Variants in HS6ST1 observed in about 807,000 individuals in gnomAD.
HS6ST1 encodes the protein heparan-sulfate 6-O-sulfotransferase 1.
Under a neutral mutation model 25.2 loss-of-function variants are expected in HS6ST1, and 3 were observed. That is an observed-to-expected ratio of 0.12 (90% confidence interval 0.05 to 0.31). The LOEUF is 0.31. Ranked by LOEUF, HS6ST1 falls within the 10% of genes least tolerant of loss-of-function variation. The pLI is 1.00. For missense variants in HS6ST1, 310 were observed against 609.6 expected, an observed-to-expected ratio of 0.51 and a Z score of 5.18; for synonymous variants, 204 against 275.1, an observed-to-expected ratio of 0.74 and a Z score of 2.56.
At chr2:128,317,749 G>C (rs1180379359) in intron 1 of HS6ST1, among the ~76,000 whole-genome samples, 1 of 152,366 alleles carries the variant, frequency 6.6e-6, no homozygotes, top group South Asian at 2.1e-4. Flanking sequence ...GGCAGCGGGC[G>C]GGGACCCTGG....
chr2:128,307,681 T>C (rs1193775307), intron 1 of HS6ST1, among the ~76,000 whole-genome samples: 1 of 152,206 alleles, frequency 6.6e-6, no homozygotes, highest in Non-Finnish European at 1.5e-5. Flanking sequence ...ATGCTATCTC[T>C]CTGCCATGGG....
intron 1 of HS6ST1, among the ~76,000 whole-genome samples, chr2:128,287,357 A>T (rs1693879962): frequency 6.6e-6 from 1 of 152,200 alleles, no homozygotes; most frequent in African/African-American, 2.4e-5. Context: ...GGGCAGGGAC[A>T]GCTGCCCCCC....
chr2:128,312,535 G>A (rs1416578325), intron 1 of HS6ST1, among the ~76,000 whole-genome samples: 3 of 152,130 alleles, frequency 2.0e-5, no homozygotes, highest in African/African-American at 7.2e-5. Context: ...GGATGGTGAT[G>A]GGCACCCAGA....
At chr2:128,316,277 G>A (rs1694361212) in intron 1 of HS6ST1, among the ~76,000 whole-genome samples, 1 of 152,264 alleles carries the variant, frequency 6.6e-6, no homozygotes, top group Non-Finnish European at 1.5e-5. Context: ...CTGCTGAGCA[G>A]GCTTGTTTCA....
chr2:128,300,126 G>A (rs78839892), intron 1 of HS6ST1, among the ~76,000 whole-genome samples: 1 of 152,154 alleles, frequency 6.6e-6, no homozygotes, highest in Non-Finnish European at 1.5e-5. Flanking sequence ...AAAATGGGGG[G>A]CTTCTCCAAA....
chr2:128,268,473 T>C lies in HS6ST1; in HGVS notation c.925A>G (p.Asn309Asp), dbSNP rs749060343. 6.2e-7 allele frequency: 1 copy of C among 1,613,250 alleles called. No homozygotes were observed. The highest frequency in any genetic ancestry group is 8.5e-7 in the Non-Finnish European group (1 of 1,179,804). Residue 309 changes from asparagine (N) to aspartate (D), a missense_variant, in exon 2 of 2, where the codon AAC becomes GAC. Asn to Asp is a conservative substitution (Grantham distance 23, BLOSUM62 1). Transcript: ENST00000259241. Reference sequence around the variant, plus strand: ...ATGAAGGGCCGGATGAACTTGAGGTTGAACGTCCGCTCGAACAGGTACTGC... The same window carrying C: ...ATGAAGGGCCGGATGAACTTGAGGTCGAACGTCCGCTCGAACAGGTACTGC... ...KTQYLFERTF[N>D]LKFIRPFMQY...
At position 128,266,043 on chromosome 2, in the gene HS6ST1, G is replaced by A. The variant is rs1693506435; in HGVS notation, c.*2119C>T. 4 of 151,596 alleles carry A rather than the reference G, an allele frequency of 2.6e-5. No individual in the cohort carries two copies. Among genetic ancestry groups the A allele is most frequent in the Admixed American group, 2.6e-4 (4 of 15,224 alleles). The allele number at this position is 151,596 out of a possible 1,614,324, so 9.4% of individuals were successfully genotyped here. A position where few individuals can be genotyped will look rare whatever the true frequency, so the allele number is the denominator to read the frequency against. On this transcript the variant is annotated 3_prime_UTR_variant, in exon 2 of 2. Coordinates refer to ENST00000259241, the MANE Select transcript of HS6ST1 (RefSeq NM_004807.3). ...GCGAAGAGACTGAGACAAGACCCGT[G>A]CTTCCGTGTGAGTTGGGATGCGGGG...
intron 1 of HS6ST1, among the ~76,000 whole-genome samples, chr2:128,298,504 T>G (rs1246842316): frequency 1.3e-5 from 2 of 152,182 alleles, no homozygotes; most frequent in African/African-American, 4.8e-5. Flanking sequence ...GGAAGGCGAT[T>G]CTGACACAGG....
intron 1 of HS6ST1, among the ~76,000 whole-genome samples, chr2:128,283,397 C>A (rs1237548975): frequency 2.0e-5 from 3 of 152,228 alleles, no homozygotes; most frequent in African/African-American, 7.2e-5. Flanking sequence ...GTGGCAGGGA[C>A]CCCAAATGAC....
intron 1 of HS6ST1, among the ~76,000 whole-genome samples, chr2:128,302,330 C>T (rs780275080): frequency 6.6e-6 from 1 of 152,134 alleles, no homozygotes; most frequent in Admixed American, 6.5e-5. Context: ...CCAAGGCTGG[C>T]GTGCATGTGT....
rs78896142 is a variant in HS6ST1 at position 128,278,615 on chromosome 2, G to C, written c.528-9745C>G. Among the ~76,000 whole-genome samples, 1,184 of 152,294 alleles carry C rather than the reference G, an allele frequency of 7.8e-3. 12 individuals are homozygous for C. Among genetic ancestry groups the C allele is most frequent in the African/African-American group, 0.025 (1,020 of 41,554 alleles). ...TGGATGGTCCTGCGGCTCACGGAGGGGGAGCTGACAAGTCCTGAAGATGTG... is the reference window on the plus strand; with the variant it reads ...TGGATGGTCCTGCGGCTCACGGAGGCGGAGCTGACAAGTCCTGAAGATGTG... On this transcript the variant is annotated intron_variant, in intron 1 of 1. Transcript: ENST00000259241.
rs1179917772 is a variant in HS6ST1, at chr2:128,318,838, GCTCCGCTCCA to G, written c.-285_-276del. ...CTCTCCGCGCCCCCAGCACCAGCCC[GCTCCGCTCCA>G]CTCCGCGCCGAGAACGCTCTGCGCC... On this transcript the variant is annotated 5_prime_UTR_variant, in exon 1 of 2. Transcript: ENST00000259241. This position sits in a 1 kb window ranked among gnomAD's most constrained non-coding sequence, Gnocchi z 5.7. Among the ~76,000 whole-genome samples, 1 of 147,736 alleles carries G rather than the reference GCTCCGCTCCA, an allele frequency of 6.8e-6. No homozygotes were observed. The highest frequency in any genetic ancestry group is 2.0e-4 in the East Asian group (1 of 5,072).
intron 1 of HS6ST1, chr2:128,289,940 T>C (rs1693927917): frequency 6.6e-6 from 1 of 152,204 alleles, no homozygotes; most frequent in Admixed American, 6.5e-5. Flanking sequence ...ATCAAAGCAG[T>C]AGTTTAAAAT....
chr2:128,313,751 G>A (rs910353106), intron 1 of HS6ST1, among the ~76,000 whole-genome samples: 2 of 152,038 alleles, frequency 1.3e-5, no homozygotes, highest in Non-Finnish European at 2.9e-5. Flanking sequence ...CACTCTCTGG[G>A]ACTGGGCTCT....
At chr2:128,304,903 C>T (rs1292934168) in intron 1 of HS6ST1, among the ~76,000 whole-genome samples, 1 of 152,228 alleles carries the variant, frequency 6.6e-6, no homozygotes, top group Non-Finnish European at 1.5e-5. Context: ...AGCACCCACA[C>T]ACACTTGCAG....
At chr2:128,270,284 G>A (rs1030054032) in intron 1 of HS6ST1, among the ~76,000 whole-genome samples, 1 of 152,192 alleles carries the variant, frequency 6.6e-6, no homozygotes, top group African/African-American at 2.4e-5. Flanking sequence ...CTGAGCTGAC[G>A]ACCCCAGGGT....
At chr2:128,294,685 T>TGTGC (rs1325724905) in intron 1 of HS6ST1, among the ~76,000 whole-genome samples, 2 of 145,726 alleles carry the variant, frequency 1.4e-5, no homozygotes, top group African/African-American at 2.7e-5. Flanking sequence ...TGTGTGTGTG[T>TGTGC]GTGTGTGTGT....
chr2:128,311,159 C>T (rs1694284988), intron 1 of HS6ST1, among the ~76,000 whole-genome samples: 1 of 152,138 alleles, frequency 6.6e-6, no homozygotes, highest in Admixed American at 6.5e-5. Context: ...CATAACATAC[C>T]CCACCCAAAC....
chr2:128,286,086 GGT>G (rs1000832998), intron 1 of HS6ST1, among the ~76,000 whole-genome samples: 1 of 152,194 alleles, frequency 6.6e-6, no homozygotes, highest in African/African-American at 2.4e-5. Flanking sequence ...CTGGCGATCT[GGT>G]GTGTGGCGTA....
Sources: allele counts gnomAD v4.1 joint callset (sites outside exome capture counted in the v4.1 genomes callset), GRCh38; gene constraint gnomAD v4.1.1; non-coding constraint Gnocchi (gnomAD v3.1); transcripts MANE v1.5; gene names NCBI Gene and HGNC (gene_info 2026-07-23, HGNC 2026-07-21).